Variants in DOCK4 observed in about 807,000 individuals in gnomAD.
DOCK4 encodes the protein dedicator of cytokinesis protein 4.
In DOCK4, 97 loss-of-function variants were observed where a neutral mutation model predicts 268.1. The observed-to-expected ratio is 0.36, with a 90% CI of 0.31 to 0.43. The LOEUF is 0.43. DOCK4 is among the 20% of genes least tolerant of loss of function. The pLI is 1.00. For missense variants in DOCK4, 2,145 were observed against 2,455.7 expected (o/e 0.87, Z 2.67); for synonymous variants, 954 against 887.2 (o/e 1.08, Z -1.34).
rs141392832 is a variant in DOCK4, at chr7:111,997,486, T to C, written c.218+962A>G. The stretch of plus-strand genomic sequence containing the variant: ...CTCAAAGTATTTATACCATAGACTC[T>C]TAGCCACATGCATAGGCTGTTTCCC... On this transcript the variant is annotated intron_variant, in intron 4 of 52. Coordinates refer to ENST00000428084, the MANE Select transcript of DOCK4 (RefSeq NM_001363540.2). Among the ~76,000 whole-genome samples the C allele has an allele frequency of 1.1e-3, 168 of 152,336 alleles. 1 individual carries two copies. Among genetic ancestry groups the C allele is most frequent in the Non-Finnish European group, 2.2e-3 (148 of 68,030 alleles).
At chr7:111,738,619 G>A (rs1172555276) in intron 49 of DOCK4, among the ~76,000 whole-genome samples, 3 of 152,208 alleles carry the variant, frequency 2.0e-5, no homozygotes, top group African/African-American at 7.2e-5. Flanking sequence ...TCACTGCCAA[G>A]CAACTACCAT....
At chr7:111,898,098 G>GT (rs1285075377) in intron 15 of DOCK4, among the ~76,000 whole-genome samples, 3 of 152,114 alleles carry the variant, frequency 2.0e-5, no homozygotes, top group Non-Finnish European at 4.4e-5. Flanking sequence ...GTAGCCAGAC[G>GT]TATCTTCACT....
At chr7:112,047,309 T>G (rs1195050027) in intron 1 of DOCK4, among the ~76,000 whole-genome samples, 1 of 152,142 alleles carries the variant, frequency 6.6e-6, no homozygotes, top group African/African-American at 2.4e-5. Context: ...CTACCTAAAC[T>G]GGTAAAATCC....
chr7:111,987,745 G>T (rs1289518721), intron 6 of DOCK4, among the ~76,000 whole-genome samples: 1 of 152,208 alleles, frequency 6.6e-6, no homozygotes, highest in Non-Finnish European at 1.5e-5. Context: ...CATGAAGAGG[G>T]TTAAGGAATT....
At chr7:112,157,592 C>G (rs1816739218) in intron 1 of DOCK4, among the ~76,000 whole-genome samples, 1 of 152,128 alleles carries the variant, frequency 6.6e-6, no homozygotes, top group Non-Finnish European at 1.5e-5. Flanking sequence ...GGGATTAGAG[C>G]ACCCTAACTC....
chr7:111,945,285 A>AAGCAATTCTCCTGCCTCAGCCTCCCG (rs1351619764), intron 9 of DOCK4, among the ~76,000 whole-genome samples: 1 of 152,166 alleles, frequency 6.6e-6, no homozygotes, highest in Non-Finnish European at 1.5e-5. Context: ...TCCCAGGTTC[A>AAGCAATTCTCCTGCCTCAGCCTCCCG]AGCAATTCTC....
At chr7:111,751,206 T>G (rs967979224) in intron 42 of DOCK4, among the ~76,000 whole-genome samples, 4 of 152,110 alleles carry the variant, frequency 2.6e-5, no homozygotes, top group Non-Finnish European at 4.4e-5. Context: ...ACTACCAATT[T>G]ACAAGGAATA....
intron 1 of DOCK4, among the ~76,000 whole-genome samples, chr7:112,034,513 G>C (rs577968770): frequency 6.6e-6 from 1 of 152,196 alleles, no homozygotes; most frequent in African/African-American, 2.4e-5. Flanking sequence ...TTGTATGTAC[G>C]AAGGCACCCT....
intron 1 of DOCK4, among the ~76,000 whole-genome samples, chr7:112,139,446 A>T (rs777705074): frequency 2.0e-5 from 3 of 152,226 alleles, no homozygotes; most frequent in Non-Finnish European, 4.4e-5. Context: ...CAATTTCATA[A>T]ATAGTTATTT....
chr7:111,937,466 C>T lies in DOCK4; in HGVS notation c.978-1838G>A, dbSNP rs138556768. ...ATAAAAAAAAACACAAAGAGCAGAA[C>T]AATTTGTCTTCATGAGTGTGACTGT... On this transcript the variant is annotated intron_variant, in intron 11 of 52. Transcript: ENST00000428084. 2.9e-3 allele frequency among the ~76,000 whole-genome samples: 440 copies of T among 152,292 alleles called. 3 individuals carry two copies. Among genetic ancestry groups the T allele is most frequent in the Admixed American group, 6.9e-3 (106 of 15,296 alleles).
chr7:112,062,802 C>T (rs146903744), intron 1 of DOCK4, among the ~76,000 whole-genome samples: 5,985 of 152,188 alleles, frequency 0.039, 375 homozygotes, highest in African/African-American at 0.14. Context: ...GCCTCAGCCT[C>T]GAGTAGCTGG....
At chr7:111,927,233 A>G (rs576058063) in intron 12 of DOCK4, among the ~76,000 whole-genome samples, 8 of 152,346 alleles carry the variant, frequency 5.3e-5, no homozygotes, top group East Asian at 3.9e-4. Flanking sequence ...TCTTGTGATT[A>G]TAACTGCTGG....
chr7:111,740,070 T>C (rs1176679034), intron 47 of DOCK4: 4 of 437,824 alleles, frequency 9.1e-6, no homozygotes, highest in East Asian at 7.3e-5. Flanking sequence ...TAAGTAAAGA[T>C]AATTTTAAAA....
intron 42 of DOCK4, among the ~76,000 whole-genome samples, 162 bp downstream of exon 42, chr7:111,755,353 C>T (rs1351348302): frequency 6.6e-6 from 1 of 152,084 alleles, no homozygotes; most frequent in African/African-American, 2.4e-5. Context: ...TAATATTCAC[C>T]TTCTCAGCCT....
intron 1 of DOCK4, among the ~76,000 whole-genome samples, chr7:112,167,157 A>T (rs1817679246): frequency 6.6e-6 from 1 of 152,202 alleles, no homozygotes. Flanking sequence ...CAATTAAGAG[A>T]TGCTATTCTT....
chr7:112,000,958 C>T (rs1332242904), intron 2 of DOCK4, among the ~76,000 whole-genome samples: 1 of 152,182 alleles, frequency 6.6e-6, no homozygotes, highest in Non-Finnish European at 1.5e-5. Context: ...CATACATTTC[C>T]AAATTCTACT....
intron 8 of DOCK4, among the ~76,000 whole-genome samples, chr7:111,951,647 CAAAAAAA>C (rs35968911): frequency 5.8e-5 from 5 of 85,854 alleles, no homozygotes; most frequent in Non-Finnish European, 1.0e-4. Flanking sequence ...CCATCGCTAC[CAAAAAAA>C]AAAAAAAAAG....
Position 111,940,011 on chromosome 7 carries a change from C to G in DOCK4, c.977+99G>C, listed in dbSNP as rs553856174. ...TTTGAGGAATGGCTCATAAACCACC[C>G]ATTGTTCTTCTCTACCCACCTAAAG... On this transcript the variant is annotated intron_variant, in intron 11 of 52. Transcript: ENST00000428084. The G allele has an allele frequency of 4.8e-6, 6 of 1,238,158 alleles. No individual in the cohort carries two copies. The African/African-American group carries it at 8.9e-5, about 18-fold the overall frequency. The allele number at this position is 1,238,158 out of a possible 1,614,324, so 76.7% of individuals were successfully genotyped here.
chr7:111,883,685 G>A (rs1186649553), intron 16 of DOCK4, among the ~76,000 whole-genome samples: 1 of 152,086 alleles, frequency 6.6e-6, no homozygotes, highest in Non-Finnish European at 1.5e-5. Flanking sequence ...TCTATGAATA[G>A]AAGACTTGGC....
Sources: allele counts gnomAD v4.1 joint callset (sites outside exome capture counted in the v4.1 genomes callset), GRCh38; gene constraint gnomAD v4.1.1; transcripts MANE v1.5; gene names NCBI Gene and HGNC (gene_info 2026-07-23, HGNC 2026-07-21).